LPP: variants seen among roughly 807,000 people sequenced by gnomAD.
LPP encodes LIM domain containing preferred translocation partner in lipoma, also known as lipoma-preferred partner.
Under a neutral mutation model 60.4 loss-of-function variants are expected in LPP, and 38 were observed. The ratio of observed to expected loss-of-function variants is 0.63; its 90% CI spans 0.49 to 0.83. LPP has a LOEUF of 0.83. Among genes scored for constraint, LPP ranks in the 40% least tolerant of loss-of-function variants. The probability of loss-of-function intolerance (pLI) is 0.00; values close to 1 mark genes in which losing one functional copy is unlikely to be tolerated. For synonymous variants in LPP, 328 were observed against 290.8 expected (o/e 1.13, Z -1.30); for missense variants, 902 against 783.6 (o/e 1.15, Z -1.80).
chr3:188,156,129 C>T (rs1716324564), intron 1 of LPP, among the ~76,000 whole-genome samples: 1 of 152,204 alleles, frequency 6.6e-6, no homozygotes, highest in African/African-American at 2.4e-5. Flanking sequence ...AGAATGTAGG[C>T]TCCAGAGGGG....
At chr3:188,856,604 T>C (rs1223558586) in intron 9 of LPP, among the ~76,000 whole-genome samples, 1 of 152,210 alleles carries the variant, frequency 6.6e-6, no homozygotes, top group African/African-American at 2.4e-5. Context: ...TGTTAAGAGA[T>C]TGTTAAGGCA....
intron 9 of LPP, among the ~76,000 whole-genome samples, chr3:188,816,416 T>TG (rs1752521639): frequency 6.6e-6 from 1 of 151,998 alleles, no homozygotes; most frequent in South Asian, 2.1e-4. Context: ...TTAGCCAGGA[T>TG]GGTCTTGATC....
At chr3:188,356,051 A>T (rs1767516954) in intron 3 of LPP, among the ~76,000 whole-genome samples, 2 of 152,230 alleles carry the variant, frequency 1.3e-5, no homozygotes, top group Admixed American at 1.3e-4. Context: ...TGCTGTTTTC[A>T]CTACAGAATC....
At chr3:188,564,809 G>A (rs964807993) in intron 6 of LPP, among the ~76,000 whole-genome samples, 25 of 151,868 alleles carry the variant, frequency 1.6e-4, no homozygotes, top group Non-Finnish European at 4.4e-5. Context: ...TTCCTTGTCC[G>A]GTGGGTCTTT....
intron 2 of LPP, among the ~76,000 whole-genome samples, chr3:188,245,609 A>C (rs1726646400): frequency 6.6e-6 from 1 of 152,084 alleles, no homozygotes. Flanking sequence ...CCACAAAGTA[A>C]ATTTAATAAA....
rs570518505 is a variant in LPP, at chr3:188,480,014, C to T, written c.194-4578C>T. Among the ~76,000 whole-genome samples, 8 of 152,282 alleles carry T rather than the reference C, an allele frequency of 5.3e-5. No homozygotes were observed. In the South Asian group the frequency reaches 6.2e-4, roughly 12 times the overall value. On this transcript the variant is annotated intron_variant, in intron 4 of 11. Coordinates refer to ENST00000617246, the MANE Select transcript of LPP (RefSeq NM_001375462.1). The stretch of plus-strand genomic sequence containing the variant: ...AGCTCTGCGTTAGGTAGATGCCTTT[C>T]GTATCTGACTGACGCAAGTGTTAGG...
intron 7 of LPP, among the ~76,000 whole-genome samples, chr3:188,707,606 C>T (rs1865739336): frequency 6.6e-6 from 1 of 152,178 alleles, no homozygotes; most frequent in Admixed American, 6.5e-5. Flanking sequence ...AACAAAAGAA[C>T]TAGAACCAAA....
intron 9 of LPP, among the ~76,000 whole-genome samples, chr3:188,836,713 GT>G (rs1758545478): frequency 6.6e-6 from 1 of 152,170 alleles, no homozygotes; most frequent in African/African-American, 2.4e-5. Context: ...AGTGTTTTGT[GT>G]TCTTTGCAGT....
At chr3:188,781,665 C>T (rs556293119) in intron 9 of LPP, among the ~76,000 whole-genome samples, 17 of 151,474 alleles carry the variant, frequency 1.1e-4, no homozygotes, top group African/African-American at 2.4e-4. Context: ...GGGTGGATCA[C>T]GAGGTCAGGA....
intron 8 of LPP, among the ~76,000 whole-genome samples, chr3:188,744,784 T>C (rs944837858): frequency 6.6e-6 from 1 of 152,168 alleles, no homozygotes; most frequent in African/African-American, 2.4e-5. Flanking sequence ...TCCCATTTTT[T>C]ACTTGAAACT....
At chr3:188,646,620 C>T (rs1034426549) in intron 7 of LPP, among the ~76,000 whole-genome samples, 1 of 152,144 alleles carries the variant, frequency 6.6e-6, no homozygotes, top group Non-Finnish European at 1.5e-5. Context: ...GGGGCACAAC[C>T]TCAAAACCAC....
At chr3:188,229,200 A>G (rs1314686238) in intron 2 of LPP, among the ~76,000 whole-genome samples, 2 of 152,184 alleles carry the variant, frequency 1.3e-5, no homozygotes, top group African/African-American at 4.8e-5. Flanking sequence ...GTAAATTAAG[A>G]AACCCGGGAA....
At chr3:188,460,774 T>C (rs73052725) in intron 4 of LPP, among the ~76,000 whole-genome samples, 2,332 of 152,270 alleles carry the variant, frequency 0.015, 57 homozygotes, top group African/African-American at 0.053. Flanking sequence ...TTGGATAAAG[T>C]TGATATGAAT....
At chr3:188,465,729 A>C (rs544526065) in intron 4 of LPP, among the ~76,000 whole-genome samples, 1 of 152,268 alleles carries the variant, frequency 6.6e-6, no homozygotes, top group South Asian at 2.1e-4. Flanking sequence ...TCTTAATAGG[A>C]GGCCGTGTAG....
chr3:188,281,528 C>T (rs1279538835), intron 2 of LPP, among the ~76,000 whole-genome samples: 49 of 141,048 alleles, frequency 3.5e-4, no homozygotes, highest in Non-Finnish European at 4.5e-5. Context: ...CGCTTGAACC[C>T]AGGAGGCGGA....
chr3:188,203,540 T>TATATATATATTTTTAAATATATATAA (rs1732076084), intron 1 of LPP, among the ~76,000 whole-genome samples: 1 of 89,938 alleles, frequency 1.1e-5, no homozygotes, highest in East Asian at 2.9e-4. Context: ...TATATTTAAA[T>TATATATATATTTTTAAATATATATAA]ATATATATAT....
At chr3:188,870,001 G>C (rs1767689644) in intron 10 of LPP, among the ~76,000 whole-genome samples, 1 of 151,986 alleles carries the variant, frequency 6.6e-6, no homozygotes, top group Non-Finnish European at 1.5e-5. Flanking sequence ...ACCGTTTCCT[G>C]GAAGAAAACT....
chr3:188,670,745 G>T (rs1423015242), intron 7 of LPP, among the ~76,000 whole-genome samples: 3 of 152,090 alleles, frequency 2.0e-5, no homozygotes, highest in African/African-American at 7.2e-5. Flanking sequence ...CTTATTTCTG[G>T]ATACAACCTC....
chr3:188,522,090 C>A (rs1819019121), intron 5 of LPP, among the ~76,000 whole-genome samples: 1 of 149,894 alleles, frequency 6.7e-6, no homozygotes. Context: ...AACATGAAAT[C>A]TCCTCTGATA....
Sources: allele counts gnomAD v4.1 joint callset (sites outside exome capture counted in the v4.1 genomes callset), GRCh38; gene constraint gnomAD v4.1.1; transcripts MANE v1.5; gene names NCBI Gene and HGNC (gene_info 2026-07-23, HGNC 2026-07-21).